DENND4A: variants seen among roughly 807,000 people sequenced by gnomAD.
The protein encoded by DENND4A is C-myc promoter-binding protein.
Under a neutral mutation model 199.3 loss-of-function variants are expected in DENND4A, and 70 were observed. That is an observed-to-expected ratio of 0.35 (90% CI 0.29 to 0.43). The LOEUF (loss-of-function observed/expected upper bound fraction) is 0.43. Ranked by LOEUF, DENND4A falls within the 20% of genes least tolerant of loss-of-function variation. The pLI is 1.00. For synonymous variants in DENND4A, 686 were observed against 766.9 expected (o/e 0.89, Z 1.74); for missense variants, 1,723 against 2,255.8 (o/e 0.76, Z 4.78).
chr15:65,789,276 T>A (rs1462843028), intron 1 of DENND4A, among the ~76,000 whole-genome samples: 2 of 152,290 alleles, frequency 1.3e-5, no homozygotes, highest in Admixed American at 1.3e-4. Flanking sequence ...AGTCTCAAAC[T>A]CCTGGGCTCA....
At chr15:65,791,427 G>A (rs1022865461) in intron 1 of DENND4A, among the ~76,000 whole-genome samples, 9 of 151,906 alleles carry the variant, frequency 5.9e-5, no homozygotes, top group African/African-American at 1.9e-4. Flanking sequence ...AGGGAATGGT[G>A]GTAACCAGGA....
chr15:65,721,097 G>GCCAC (rs1252817795), intron 12 of DENND4A, among the ~76,000 whole-genome samples: 1 of 150,256 alleles, frequency 6.7e-6, no homozygotes, highest in Non-Finnish European at 1.5e-5. Context: ...ACAGGCCTGA[G>GCCAC]CCACCCTGCC....
chr15:65,696,976 A>C (rs1234077603), intron 21 of DENND4A: 4 of 308,262 alleles, frequency 1.3e-5, no homozygotes, highest in Non-Finnish European at 2.5e-5. Flanking sequence ...AAAAAGAAAT[A>C]GTTTCAAGAA....
chr15:65,789,774 A>G (rs1440615841), intron 1 of DENND4A, among the ~76,000 whole-genome samples: 1 of 152,244 alleles, frequency 6.6e-6, no homozygotes, highest in Middle Eastern at 3.2e-3. Context: ...TGTAGGACAT[A>G]GAATGCTTTG....
rs116429244 is a variant in DENND4A, at chr15:65,732,958, G to A, written c.1041-140C>T. 602 of 512,062 alleles carry A rather than the reference G, an allele frequency of 1.2e-3. 3 individuals carry two copies. The highest frequency in any genetic ancestry group is 0.01 in the African/African-American group (529 of 52,344). 31.7% of individuals were successfully genotyped at this position (512,062 alleles called of 1,614,324 possible). A position where few individuals can be genotyped will look rare whatever the true frequency, so the allele number is the denominator to read the frequency against. On this transcript the variant is annotated intron_variant, in intron 7 of 32. Transcript: ENST00000443035. The stretch of plus-strand genomic sequence containing the variant: ...AATCCCTAATACTATGAAAACAAGT[G>A]AACAACCAAAAATCATTCATCCCAT...
chr15:65,696,599 G>A (rs2077153594), intron 21 of DENND4A, 102 bp from the exon 22 acceptor site: 1 of 801,606 alleles, frequency 1.2e-6, no homozygotes, highest in African/African-American at 1.8e-5. Flanking sequence ...CTTGAAAATA[G>A]GTGACAAGAA....
chr15:65,690,631 A>T lies in DENND4A; in HGVS notation c.3963T>A (p.Asp1321Glu), dbSNP rs1426261094. 1.2e-6 allele frequency: 2 copies of T among 1,613,750 alleles called. No homozygotes were observed. Among genetic ancestry groups the T allele is most frequent in the Admixed American group, 3.3e-5 (2 of 59,964 alleles). ...SYTKSEEKPRDRLWSSPAFSP... is the reference protein window; with the variant it reads ...SYTKSEEKPRERLWSSPAFSP... ...AGAAGGCTGGAGAAGACCAAAGTCT[A>T]TCCCTTGGTTTCTCCTCACTTTTTG... Residue 1321 changes from aspartate to glutamate, a missense_variant, in exon 23 of 33, where the codon GAT becomes GAA. Around this residue, in one of 6 missense-constraint regions of DENND4A, gnomAD observed 650 missense variants for 738.1 expected, o/e 0.88. Transcript: ENST00000443035.
chr15:65,668,160 C>A, intron 27 of DENND4A, 37 bp from the exon 28 acceptor site: 1 of 1,379,294 alleles, frequency 7.3e-7, no homozygotes, highest in South Asian at 1.4e-5. Context: ...GTATCAGTGT[C>A]TAGATTTACT....
At chr15:65,724,432 T>C (rs1310913476) in intron 11 of DENND4A, among the ~76,000 whole-genome samples, 1 of 151,632 alleles carries the variant, frequency 6.6e-6, no homozygotes, top group Non-Finnish European at 1.5e-5. Flanking sequence ...TTAGAAAACT[T>C]GAAAAATGTA....
rs1324134332 is a variant in DENND4A, at chr15:65,748,274, A to AATTTAAAAATT, written c.561+4104_561+4105insAATTTTTAAAT. ...TTTTGAGGAAAAATTTAAAAATTAA[A>AATTTAAAAATT]CAAAATCCACGCAAGATAGGGTGAG... On this transcript the variant is annotated intron_variant, in intron 4 of 32. Coordinates refer to ENST00000443035, the MANE Select transcript of DENND4A (RefSeq NM_001320835.1). Among the ~76,000 whole-genome samples, 887 of 152,096 alleles carry AATTTAAAAATT rather than the reference A, an allele frequency of 5.8e-3. 9 individuals are homozygous for AATTTAAAAATT. Among genetic ancestry groups the AATTTAAAAATT allele is most frequent in the African/African-American group, 0.021 (853 of 41,524 alleles).
intron 13 of DENND4A, among the ~76,000 whole-genome samples, chr15:65,715,934 T>C (rs1452760102): frequency 6.6e-6 from 1 of 152,002 alleles, no homozygotes; most frequent in Non-Finnish European, 1.5e-5. Context: ...TATGTGCACA[T>C]ACTTGCTCTC....
intron 22 of DENND4A, among the ~76,000 whole-genome samples, chr15:65,692,919 C>A (rs2077021046): frequency 6.6e-6 from 1 of 152,082 alleles, no homozygotes; most frequent in Non-Finnish European, 1.5e-5. Flanking sequence ...CAAACTATAC[C>A]AATGAGCCAA....
Position 65,748,536 on chromosome 15 carries a change from G to C in DENND4A, c.561+3843C>G, listed in dbSNP as rs144688251. On this transcript the variant is annotated intron_variant, in intron 4 of 32. Transcript: ENST00000443035. ...TGGGAGGCTGAAGCAGGAGAATCAC[G>C]TTAGCCCAGGAGTTTGAGGCTACAA... 6.7e-3 allele frequency among the ~76,000 whole-genome samples: 1,004 copies of C among 150,824 alleles called. 12 individuals carry two copies. Among genetic ancestry groups the C allele is most frequent in the African/African-American group, 0.023 (964 of 41,076 alleles).
chr15:65,686,509 G>A (rs1361962246), intron 23 of DENND4A, among the ~76,000 whole-genome samples: 1 of 152,150 alleles, frequency 6.6e-6, no homozygotes, highest in East Asian at 1.9e-4. Flanking sequence ...TTGAGGCTCT[G>A]TGATTTAGTG....
At chr15:65,784,014 TTAACAATA>T (rs1159267064) in intron 1 of DENND4A, among the ~76,000 whole-genome samples, 1 of 152,106 alleles carries the variant, frequency 6.6e-6, no homozygotes, top group African/African-American at 2.4e-5. Context: ...GTGACCGAGG[TTAACAATA>T]TCAGTGATAA....
chr15:65,746,440 G>A (rs1460015169), intron 4 of DENND4A, among the ~76,000 whole-genome samples: 2 of 116,074 alleles, frequency 1.7e-5, no homozygotes, highest in South Asian at 2.9e-4. Context: ...AGACTGTAGT[G>A]CAGTGGCATG....
intron 1 of DENND4A, among the ~76,000 whole-genome samples, chr15:65,768,345 A>T (rs2140852064): frequency 6.6e-6 from 1 of 152,064 alleles, no homozygotes; most frequent in East Asian, 1.9e-4. Context: ...TTGTTCTTTT[A>T]CTTTTTAAAA....
rs1182434775 is a variant in DENND4A at position 65,676,433 on chromosome 15, G to C, written c.4369+12C>G. ...AAATCAAATGCAGTATGACAGAACT[G>C]TTTGGACAAACCTTCCAAGGATGCA... On this transcript the variant is annotated intron_variant, in intron 24 of 32. Coordinates refer to ENST00000443035, the MANE Select transcript of DENND4A (RefSeq NM_001320835.1). 1.3e-6 allele frequency: 2 copies of C among 1,587,402 alleles called. No individual in the cohort carries two copies. Among genetic ancestry groups the C allele is most frequent in the Middle Eastern group, 1.7e-4 (1 of 6,008 alleles).
At chr15:65,779,283 C>T (rs1485628803) in intron 1 of DENND4A, among the ~76,000 whole-genome samples, 1 of 151,672 alleles carries the variant, frequency 6.6e-6, no homozygotes. Flanking sequence ...TGGTGAAACC[C>T]CGTCTCTACT....
Sources: allele counts gnomAD v4.1 joint callset (sites outside exome capture counted in the v4.1 genomes callset), GRCh38; gene constraint gnomAD v4.1.1; regional missense constraint gnomAD v4.1.1; transcripts MANE v1.5; gene names NCBI Gene and HGNC (gene_info 2026-07-23, HGNC 2026-07-21).